Variants in IPO5 observed in about 807,000 individuals in gnomAD.
IPO5 encodes the protein importin-5.
Under a neutral mutation model 143.3 loss-of-function variants are expected in IPO5, and 18 were observed. That is an observed-to-expected ratio of 0.13 (90% confidence interval 0.09 to 0.19). IPO5 has a LOEUF of 0.19. Among genes scored for constraint, IPO5 ranks in the 10% least tolerant of loss-of-function variants. IPO5 has a pLI of 1.00. For missense variants in IPO5, 1,013 were observed against 1,336.9 expected (o/e 0.76, Z 3.78); for synonymous variants, 477 against 465.7 (o/e 1.02, Z -0.31).
At chr13:97,984,021 C>G (rs1343062949) in intron 5 of IPO5, among the ~76,000 whole-genome samples, 1 of 124,776 alleles carries the variant, frequency 8.0e-6, no homozygotes, top group East Asian at 2.2e-4. Context: ...CTCTGTCGCC[C>G]AGGCTGGAGT....
intron 17 of IPO5, chr13:98,007,535 A>G (rs987602859): frequency 2.6e-5 from 4 of 152,326 alleles, no homozygotes; most frequent in African/African-American, 9.6e-5. Flanking sequence ...CAGCATCAGT[A>G]TTAATTTATA....
intron 5 of IPO5, among the ~76,000 whole-genome samples, chr13:97,983,537 A>ACCCCCC (rs201014434): frequency 1.0e-5 from 1 of 99,552 alleles, no homozygotes; most frequent in African/African-American, 3.7e-5. Flanking sequence ...AGCTAATTCC[A>ACCCCCC]CCCCCCCCCC....
In IPO5 at chr13:97,961,794, T is replaced by C. The variant is rs141385411; in HGVS notation, c.-113+7596T>C. ...TGGGTTGTCTTTTTTTAATTGAGAG[T>C]AGGGCTTTTTAAATATTCTGGATAT... On this transcript the variant is annotated intron_variant, in intron 2 of 28. Transcript: ENST00000651721. Among the ~76,000 whole-genome samples, 800 of 152,186 alleles carry C rather than the reference T, an allele frequency of 5.3e-3. 9 individuals carry two copies. Among genetic ancestry groups the C allele is most frequent in the African/African-American group, 0.018 (760 of 41,508 alleles).
chr13:97,985,662 C>CT, intron 6 of IPO5, 49 bp downstream of exon 6: 1 of 1,115,420 alleles, frequency 9.0e-7, no homozygotes, highest in Non-Finnish European at 1.3e-6. Flanking sequence ...GTATATCCTT[C>CT]CTTTTTTTTT....
In IPO5 at chr13:97,979,414, A is replaced by C. The variant is rs549275385; in HGVS notation, c.90+2628A>C. ...TTAGTAGGCTTTATAGTTTATTTCT[A>C]TTTTTAAAAATCTGTAAGGATATTT... On this transcript the variant is annotated intron_variant, in intron 4 of 28. Transcript: ENST00000651721. 1.4e-4 allele frequency among the ~76,000 whole-genome samples: 21 copies of C among 152,298 alleles called. No homozygotes were observed. The South Asian group carries it at 4.1e-3, about 30-fold the overall frequency.
intron 7 of IPO5, 32 bp downstream of exon 7, chr13:97,989,196 T>A: frequency 8.1e-7 from 1 of 1,236,706 alleles, no homozygotes; most frequent in Non-Finnish European, 1.2e-6. Flanking sequence ...TTTGAGACAT[T>A]TGATTTAATG....
At chr13:98,007,979 A>T in intron 17 of IPO5, 80 bp from the exon 18 acceptor site, 1 of 797,418 alleles carries the variant, frequency 1.3e-6, no homozygotes, top group Non-Finnish European at 2.1e-6. Context: ...AATGTAGTCG[A>T]TTTTTTGGCA....
chr13:97,968,394 G>A (rs1885531771), intron 2 of IPO5, among the ~76,000 whole-genome samples: 1 of 152,148 alleles, frequency 6.6e-6, no homozygotes, highest in Non-Finnish European at 1.5e-5. Flanking sequence ...TCTTGTAGGT[G>A]TAGTTGGTTT....
intron 12 of IPO5, among the ~76,000 whole-genome samples, chr13:98,000,185 T>A (rs1049779354): frequency 2.0e-5 from 3 of 151,624 alleles, no homozygotes; most frequent in East Asian, 1.9e-4. Flanking sequence ...CTCGGGAGGC[T>A]GAGGTAGGAG....
chr13:97,954,475 A>G (rs1884328551), intron 2 of IPO5, among the ~76,000 whole-genome samples: 1 of 152,218 alleles, frequency 6.6e-6, no homozygotes, highest in Non-Finnish European at 1.5e-5. Context: ...AAATCTTTAG[A>G]GTATCTATTT....
rs1890569124 is a variant in IPO5, at chr13:98,022,717, C to T, written c.*895C>T. 1.3e-5 allele frequency: 2 copies of T among 152,102 alleles called. No homozygotes were observed. The allele number at this position is 152,102 out of a possible 1,614,324, so 9.4% of individuals were successfully genotyped here. On this transcript the variant is annotated 3_prime_UTR_variant, in exon 29 of 29. Transcript: ENST00000651721. ...CAATTGGTGTTCTTTTTAAGGTTTG[C>T]AAATTTCAGCCAATTTTGTAGCTAA...
intron 2 of IPO5, among the ~76,000 whole-genome samples, chr13:97,959,767 C>T (rs903991845): frequency 1.3e-5 from 2 of 151,990 alleles, no homozygotes; most frequent in Admixed American, 1.3e-4. Flanking sequence ...TAGGGTATGA[C>T]CCCACTCCAA....
At chr13:97,993,382 G>A (rs191702270) in intron 11 of IPO5, among the ~76,000 whole-genome samples, 157 bp downstream of exon 11, 30 of 152,324 alleles carry the variant, frequency 2.0e-4, no homozygotes, top group Admixed American at 8.5e-4. Flanking sequence ...ACATGCAAGC[G>A]TGGACCCCCA....
At chr13:97,967,638 T>C (rs963746220) in intron 2 of IPO5, among the ~76,000 whole-genome samples, 1 of 152,092 alleles carries the variant, frequency 6.6e-6, no homozygotes, top group Non-Finnish European at 1.5e-5. Flanking sequence ...TTCTGTTTGT[T>C]TGTTTGTTTG....
chr13:97,969,878 T>A (rs1885677695), intron 3 of IPO5, 48 bp downstream of exon 3: 3 of 1,457,902 alleles, frequency 2.1e-6, no homozygotes, highest in Non-Finnish European at 2.9e-6. Context: ...TTGTTTTTTT[T>A]AAAAGAGACA....
At chr13:98,014,872 C>G (rs1182953876) in intron 22 of IPO5, among the ~76,000 whole-genome samples, 1 of 145,296 alleles carries the variant, frequency 6.9e-6, no homozygotes, top group Non-Finnish European at 1.5e-5. Flanking sequence ...ATCTCTTTTT[C>G]ATGCCATTGA....
chr13:97,998,974 C>T (rs1183101174), intron 12 of IPO5, among the ~76,000 whole-genome samples: 3 of 152,076 alleles, frequency 2.0e-5, no homozygotes, highest in Non-Finnish European at 4.4e-5. Context: ...GAAACCCCGT[C>T]TCTATTAAAA....
At chr13:98,003,422 AAAG>A in intron 16 of IPO5, among the ~76,000 whole-genome samples, 1 of 152,340 alleles carries the variant, frequency 6.6e-6, no homozygotes, top group Non-Finnish European at 1.5e-5. Context: ...CATACACAAA[AAAG>A]GGAGAAGATT....
In IPO5 at chr13:98,014,321, A is replaced by T; in HGVS notation, c.2325+107A>T. ...GAGACAGGGTATTGCTCTGTCACCC[A>T]GGCTGGAGTGCAGTGGCGCAATCGC... On this transcript the variant is annotated intron_variant, in intron 22 of 28. Transcript: ENST00000651721. 3 of 785,970 alleles carry T rather than the reference A, an allele frequency of 3.8e-6. No homozygotes were observed. In the South Asian group the frequency reaches 5.7e-5, roughly 15 times the overall value. 48.7% of individuals were successfully genotyped at this position (785,970 alleles called of 1,614,324 possible). A position where few individuals can be genotyped will look rare whatever the true frequency, so the allele number is the denominator to read the frequency against.
Sources: gnomAD v4.1 joint callset for allele counts (sites outside exome capture counted in the v4.1 genomes callset) on GRCh38, gnomAD v4.1.1 for gene constraint, MANE v1.5 for transcripts, NCBI Gene and HGNC (gene_info 2026-07-23, HGNC 2026-07-21) for gene names.